SLC2A11: variants seen among roughly 807,000 people sequenced by gnomAD.
The protein encoded by SLC2A11 is solute carrier family 2 member 11.
In SLC2A11, 43 loss-of-function variants were observed where a neutral mutation model predicts 52.1. The observed-to-expected ratio is 0.82, with a 90% CI of 0.65 to 1.06. SLC2A11 has a LOEUF of 1.06. Ranked by LOEUF, SLC2A11 falls within the 50% of genes least tolerant of loss-of-function variation. The pLI is 0.00. For synonymous variants in SLC2A11, 261 were observed against 277.6 expected, an observed-to-expected ratio of 0.94 and a Z score of 0.59; for missense variants, 582 against 654.2, an observed-to-expected ratio of 0.89 and a Z score of 1.20.
chr22:23,875,606 C>T (rs995504463), intron 4 of SLC2A11, among the ~76,000 whole-genome samples: 1 of 152,122 alleles, frequency 6.6e-6, no homozygotes, highest in Admixed American at 6.5e-5. Flanking sequence ...AGCAGAATGG[C>T]CTGTTAGGTA....
At chr22:23,883,011 A>G in intron 8 of SLC2A11, 142 bp downstream of exon 8, 2 of 816,642 alleles carry the variant, frequency 2.4e-6, no homozygotes, top group Admixed American at 2.0e-5. Flanking sequence ...CTGTAAGCCC[A>G]GCACTTTGGG....
At position 23,885,288 on chromosome 22, in the gene SLC2A11, A is replaced by G. The variant is rs182594944; in HGVS notation, c.*439A>G. 3 of 231,416 alleles carry G rather than the reference A, an allele frequency of 1.3e-5. No homozygotes were observed. The highest frequency in any genetic ancestry group is 4.5e-5 in the African/African-American group (2 of 44,330). The allele number at this position is 231,416 out of a possible 1,614,324, so 14.3% of individuals were successfully genotyped here. ...CAGGATCACTTGAGTCCAAGAGTTC[A>G]AGGTAGCAGTAAGCTACAATCACAC... is the stretch of plus-strand genomic sequence containing the variant. On this transcript the variant is annotated 3_prime_UTR_variant, in exon 12 of 12. Coordinates refer to ENST00000316185, the MANE Select transcript of SLC2A11 (RefSeq NM_001024939.4).
Position 23,857,953 on chromosome 22 carries a change from G to A in SLC2A11, c.-47G>A, listed in dbSNP as rs2031914461. The A allele has an allele frequency of 4.4e-6, 7 of 1,590,930 alleles. No homozygotes were observed. Among genetic ancestry groups the A allele is most frequent in the South Asian group, 1.1e-5 (1 of 87,494 alleles). ...GGCTCACCGCTTGCTAATGGCAGCC[G>A]GGGTCTCCCTGGGACAGCAAGACCT... On this transcript the variant is annotated 5_prime_UTR_variant, in exon 1 of 12. Transcript: ENST00000316185.
At chr22:23,862,653 C>A (rs1015600579) in intron 2 of SLC2A11, among the ~76,000 whole-genome samples, 5 of 150,962 alleles carry the variant, frequency 3.3e-5, no homozygotes, top group Non-Finnish European at 5.9e-5. Flanking sequence ...GATGGAGTTT[C>A]GCTCTTGTTG....
upstream of SLC2A11, chr22:23,857,372 G>T: frequency 6.5e-7 from 1 of 1,529,722 alleles, no homozygotes; most frequent in Non-Finnish European, 8.9e-7. Context: ...GGCGAATGCA[G>T]GGGCTTGGCC....
chr22:23,869,211 G>C (rs923115768), intron 3 of SLC2A11: 1 of 153,570 alleles, frequency 6.5e-6, no homozygotes, highest in Non-Finnish European at 1.4e-5. Context: ...GAATGGGCTG[G>C]GTGCAGTGGC....
chr22:23,869,906 C>T lies in SLC2A11; in HGVS notation c.290+1265C>T. On this transcript the variant is annotated intron_variant, in intron 3 of 11. Coordinates refer to ENST00000316185, the MANE Select transcript of SLC2A11 (RefSeq NM_001024939.4). Reference sequence around the variant, plus strand: ...CCTCATATGGTGAAAGACAAAAGGGCAAAAGGCAAAAAGAGCCTGCCTAGT... The same window carrying T: ...CCTCATATGGTGAAAGACAAAAGGGTAAAAGGCAAAAAGAGCCTGCCTAGT... 2 of 684,274 alleles carry T rather than the reference C, an allele frequency of 2.9e-6. 1 individual carries two copies. Among genetic ancestry groups the T allele is most frequent in the South Asian group, 3.2e-5 (2 of 62,022 alleles). The allele number at this position is 684,274 out of a possible 1,614,324, so 42.4% of individuals were successfully genotyped here. A position where few individuals can be genotyped will look rare whatever the true frequency, so the allele number is the denominator to read the frequency against.
chr22:23,858,244 G>A (rs528035091), intron 1 of SLC2A11: 1 of 751,332 alleles, frequency 1.3e-6, no homozygotes, highest in East Asian at 2.7e-5. Flanking sequence ...GAGCAAGGTT[G>A]CTGGACCCTG....
chr22:23,869,084 T>C, intron 3 of SLC2A11: 1 of 169,902 alleles, frequency 5.9e-6, no homozygotes, highest in South Asian at 1.6e-4. Context: ...GCATGGTGGC[T>C]CACCCACATA....
At chr22:23,881,303 GGCCC>G (rs2032786552) in intron 6 of SLC2A11, 1 of 123,900 alleles carries the variant, frequency 8.1e-6, no homozygotes, top group Non-Finnish European at 1.8e-5. Context: ...GGCTTAGCTG[GGCCC>G]CTTTGGCTGT....
At chr22:23,881,079 A>G (rs970295194) in intron 6 of SLC2A11, 1 of 150,804 alleles carries the variant, frequency 6.6e-6, no homozygotes, top group Non-Finnish European at 1.5e-5. Context: ...GTGCCAATTT[A>G]TTGATCAGCT....
Position 23,884,825 on chromosome 22 carries a change from G to A in SLC2A11, c.1476G>A (p.Glu492=). The change falls in exon 12 of 12, where the codon GAG becomes GAA. Residue 492 remains glutamate (E), a synonymous_variant. Coordinates refer to ENST00000316185, the MANE Select transcript of SLC2A11 (RefSeq NM_001024939.4). The surrounding 1 kb of genome is among the most constrained non-coding windows in gnomAD (Gnocchi z 4.3). The part of the protein sequence containing the change: ...RAQGPTWRSL[E]VIQSTEL ...AGGGCCCCACGTGGAGGAGCCTGGA[G>A]GTTATCCAGTCAACAGAACTCTAGT... The A allele has an allele frequency of 6.2e-7, 1 of 1,614,174 alleles. No individual in the cohort carries two copies. The highest frequency in any genetic ancestry group is 1.3e-5 in the African/African-American group (1 of 75,042).
chr22:23,870,161 C>T (rs764044019), intron 3 of SLC2A11: 15 of 627,628 alleles, frequency 2.4e-5, no homozygotes, highest in African/African-American at 9.3e-5. Flanking sequence ...GGGGAACAGT[C>T]GCAAACAAAA....
At chr22:23,875,281 A>G (rs2032582729) in intron 4 of SLC2A11, 40 bp downstream of exon 4, 2 of 1,346,826 alleles carry the variant, frequency 1.5e-6, no homozygotes. Flanking sequence ...CTCTATGCCT[A>G]TTAATTAATA....
chr22:23,884,907 AG>A lies in SLC2A11; in HGVS notation c.*61del. 1 of 1,477,514 alleles carries A rather than the reference AG, an allele frequency of 6.8e-7. No homozygotes were observed. The highest frequency in any genetic ancestry group is 9.4e-7 in the Non-Finnish European group (1 of 1,068,996). The allele number at this position is 1,477,514 out of a possible 1,614,324, so 91.5% of individuals were successfully genotyped here. A position where few individuals can be genotyped will look rare whatever the true frequency, so the allele number is the denominator to read the frequency against. ...ACTGTCCTGTCCTCTGCTTCCTGCC[AG>A]GGCCCTGGTCCTCACTCCCTCCTGC... On this transcript the variant is annotated 3_prime_UTR_variant, in exon 12 of 12. Coordinates refer to ENST00000316185, the MANE Select transcript of SLC2A11 (RefSeq NM_001024939.4). The surrounding 1 kb of genome is among the most constrained non-coding windows in gnomAD (Gnocchi z 4.3).
chr22:23,875,048 T>G (rs1568991859), intron 3 of SLC2A11, 69 bp from the exon 4 acceptor site: 1 of 1,412,728 alleles, frequency 7.1e-7, no homozygotes, highest in Non-Finnish European at 9.3e-7. Flanking sequence ...TTGCAAAGAG[T>G]GGTCCCCAGG....
intron 4 of SLC2A11, among the ~76,000 whole-genome samples, chr22:23,876,151 AAGG>A (rs2032607139): frequency 6.6e-6 from 1 of 152,160 alleles, no homozygotes; most frequent in African/African-American, 2.4e-5. Flanking sequence ...GGGCATGCAC[AAGG>A]AGAAGTCCAG....
chr22:23,862,279 G>A lies in SLC2A11; in HGVS notation c.129+77G>A. On this transcript the variant is annotated intron_variant, in intron 2 of 11. Coordinates refer to ENST00000316185, the MANE Select transcript of SLC2A11 (RefSeq NM_001024939.4). The stretch of plus-strand genomic sequence containing the variant: ...AACAGCTGCCCACTGAGGGGCTTCA[G>A]CCAGGCATCCACTAGGTGGCACTTT... The A allele has an allele frequency of 2.9e-6, 4 of 1,388,826 alleles. No homozygotes were observed. The Middle Eastern group carries it at 7.2e-4, about 250-fold the overall frequency. The allele number at this position is 1,388,826 out of a possible 1,614,324, so 86.0% of individuals were successfully genotyped here. A position where few individuals can be genotyped will look rare whatever the true frequency, so the allele number is the denominator to read the frequency against.
intron 2 of SLC2A11, chr22:23,865,414 C>CCCAA (rs2032226626): frequency 8.1e-6 from 1 of 123,514 alleles, no homozygotes; most frequent in Non-Finnish European, 1.9e-5. Flanking sequence ...AAAACTCCAT[C>CCCAA]TCAAAAACAA....
Sources: gnomAD v4.1 joint callset for allele counts (sites outside exome capture counted in the v4.1 genomes callset) on GRCh38, gnomAD v4.1.1 for gene constraint, Gnocchi (gnomAD v3.1) non-coding constraint, MANE v1.5 for transcripts, NCBI Gene and HGNC (gene_info 2026-07-23, HGNC 2026-07-21) for gene names.